The following KCNH1 variants were observed in gnomAD, a reference collection of about 807,000 sequenced individuals.
The protein encoded by KCNH1 is potassium voltage-gated channel subfamily H member 1, also known as voltage-gated delayed rectifier potassium channel KCNH1.
In KCNH1, 27 loss-of-function variants were observed where a neutral mutation model predicts 69.2. The ratio of observed to expected loss-of-function variants is 0.39; its 90% confidence interval spans 0.29 to 0.54. The LOEUF (loss-of-function observed/expected upper bound fraction) is 0.54. KCNH1 is among the 20% of genes least tolerant of loss of function. The pLI is 0.68. For synonymous variants in KCNH1, 456 were observed against 487.7 expected, an observed-to-expected ratio of 0.93 and a Z score of 0.86; for missense variants, 798 against 1,261.6, an observed-to-expected ratio of 0.63 and a Z score of 5.57.
At chr1:210,944,778 A>G (rs1287998970) in intron 6 of KCNH1, among the ~76,000 whole-genome samples, 2 of 152,200 alleles carry the variant, frequency 1.3e-5, no homozygotes, top group Non-Finnish European at 2.9e-5. Flanking sequence ...AAAATGTATC[A>G]TTTCAACCCT....
chr1:210,796,742 T>C (rs546919194), intron 9 of KCNH1, among the ~76,000 whole-genome samples: 2 of 152,214 alleles, frequency 1.3e-5, no homozygotes, highest in African/African-American at 4.8e-5. Context: ...TCCATCTGCT[T>C]GCCACAGTAT....
rs114594355 is a variant in KCNH1 at position 210,684,825 on chromosome 1, G to A, written c.2113-687C>T. Among the ~76,000 whole-genome samples the A allele has an allele frequency of 3.3e-3, 502 of 152,358 alleles. 3 individuals carry two copies. Among genetic ancestry groups the A allele is most frequent in the African/African-American group, 0.011 (477 of 41,588 alleles). On this transcript the variant is annotated intron_variant, in intron 10 of 10. Coordinates refer to ENST00000271751, the MANE Select transcript of KCNH1 (RefSeq NM_172362.3). ...AACAATAATACCCATCACTTGGACAGTGCTTTGCAGGTCACAAGGCACTTT... is the reference window on the plus strand; with the variant it reads ...AACAATAATACCCATCACTTGGACAATGCTTTGCAGGTCACAAGGCACTTT...
At position 211,004,025 on chromosome 1, in the gene KCNH1, C is replaced by T. The variant is rs569650053; in HGVS notation, c.1032+14758G>A. On this transcript the variant is annotated intron_variant, in intron 6 of 10. Transcript: ENST00000271751. ...GGAGAATGGCGTGAACCCCGGGGGA[C>T]GGAGCCTGCAGTGAGCCTAGATCGG... 7.9e-5 allele frequency among the ~76,000 whole-genome samples: 12 copies of T among 152,014 alleles called. No homozygotes were observed. In the South Asian group the frequency reaches 1.9e-3, roughly 24 times the overall value.
chr1:210,842,363 G>C (rs1685430056), intron 7 of KCNH1, among the ~76,000 whole-genome samples: 1 of 152,176 alleles, frequency 6.6e-6, no homozygotes, highest in Non-Finnish European at 1.5e-5. Context: ...GAGACACGAA[G>C]AGGGTTTTTC....
intron 6 of KCNH1, among the ~76,000 whole-genome samples, chr1:210,944,550 C>T (rs909951131): frequency 6.6e-6 from 1 of 152,150 alleles, no homozygotes; most frequent in African/African-American, 2.4e-5. Context: ...CAGGAGGGGA[C>T]CCCAGGGGTC....
At chr1:210,862,430 G>T in intron 7 of KCNH1, 1 of 536,926 alleles carries the variant, frequency 1.9e-6, no homozygotes, top group Non-Finnish European at 3.4e-6. Context: ...TGAACTCCTG[G>T]GCTCAAGTGA....
intron 7 of KCNH1, among the ~76,000 whole-genome samples, chr1:210,818,985 A>T (rs577264390): frequency 3.3e-5 from 5 of 152,332 alleles, no homozygotes; most frequent in Non-Finnish European, 5.9e-5. Flanking sequence ...CCTCTAATTT[A>T]GTTTGCAAGT....
At position 211,078,489 on chromosome 1, in the gene KCNH1, G is replaced by A. The variant is rs375506328; in HGVS notation, c.558+4291C>T. Among the ~76,000 whole-genome samples the A allele has an allele frequency of 9.7e-4, 148 of 152,270 alleles. 2 individuals are homozygous for A. The East Asian group carries it at 0.023, about 24-fold the overall frequency. On this transcript the variant is annotated intron_variant, in intron 5 of 10. Transcript: ENST00000271751. ...TCACTCAAAACCGCTCAACTACATG[G>A]AAACTGAACAACCTGCTCCTGAATG... is the stretch of plus-strand genomic sequence containing the variant.
chr1:210,801,483 A>C (rs541036781), intron 8 of KCNH1, among the ~76,000 whole-genome samples: 2 of 152,306 alleles, frequency 1.3e-5, no homozygotes, highest in Admixed American at 1.3e-4. Flanking sequence ...TCCCTCTTCC[A>C]TCTGGACCAG....
At chr1:210,894,240 T>G (rs77050512) in intron 7 of KCNH1, among the ~76,000 whole-genome samples, 1 of 152,210 alleles carries the variant, frequency 6.6e-6, no homozygotes, top group Non-Finnish European at 1.5e-5. Context: ...TGGAAACAAC[T>G]TGATCCTTTG....
At chr1:210,726,814 G>C (rs543267397) in intron 10 of KCNH1, among the ~76,000 whole-genome samples, 3 of 149,826 alleles carry the variant, frequency 2.0e-5, no homozygotes, top group African/African-American at 7.4e-5. Flanking sequence ...CCCCGGCGGG[G>C]GTGGGGTGGA....
chr1:210,846,955 T>G (rs1685564773), intron 7 of KCNH1, among the ~76,000 whole-genome samples: 1 of 152,190 alleles, frequency 6.6e-6, no homozygotes, highest in Non-Finnish European at 1.5e-5. Flanking sequence ...AAGACATTTA[T>G]GCAGACAAAA....
intron 7 of KCNH1, chr1:210,858,991 C>CCT: frequency 2.7e-6 from 1 of 364,222 alleles, no homozygotes; most frequent in East Asian, 5.2e-5. Flanking sequence ...CCACTGGTTT[C>CCT]TTTTCCAGTG....
intron 1 of KCNH1, among the ~76,000 whole-genome samples, chr1:211,127,293 T>G (rs1043308912): frequency 2.0e-5 from 3 of 152,182 alleles, no homozygotes; most frequent in African/African-American, 7.2e-5. Context: ...TGTTTTCATT[T>G]CAGTGAAACA....
intron 6 of KCNH1, among the ~76,000 whole-genome samples, chr1:211,007,474 C>A (rs1689306955): frequency 6.6e-6 from 1 of 152,214 alleles, no homozygotes; most frequent in South Asian, 2.1e-4. Context: ...CCCCTAGCCC[C>A]ACATACAATG....
At chr1:211,087,973 C>CT (rs1022858936) in intron 4 of KCNH1, among the ~76,000 whole-genome samples, 1 of 152,124 alleles carries the variant, frequency 6.6e-6, no homozygotes, top group Non-Finnish European at 1.5e-5. Flanking sequence ...GTGTTGGACC[C>CT]TTTGTGGGCG....
intron 6 of KCNH1, among the ~76,000 whole-genome samples, chr1:210,974,813 T>A (rs1362140116): frequency 6.6e-6 from 1 of 152,024 alleles, no homozygotes; most frequent in Non-Finnish European, 1.5e-5. Flanking sequence ...CCACCCACCT[T>A]GGCCTCCCAA....
chr1:211,011,097 T>G (rs933455311), intron 6 of KCNH1, among the ~76,000 whole-genome samples: 2 of 152,104 alleles, frequency 1.3e-5, no homozygotes, highest in Non-Finnish European at 2.9e-5. Flanking sequence ...ATCATCTACA[T>G]TAGGTATTTC....
intron 1 of KCNH1, among the ~76,000 whole-genome samples, chr1:211,113,974 T>TCTCACACA (rs1491436535): frequency 3.5e-5 from 5 of 142,478 alleles, no homozygotes; most frequent in South Asian, 2.3e-4. Context: ...TCTCTCTCTC[T>TCTCACACA]CACACACACA....
Sources: gnomAD v4.1 joint callset for allele counts (sites outside exome capture counted in the v4.1 genomes callset) on GRCh38, gnomAD v4.1.1 for gene constraint, MANE v1.5 for transcripts, NCBI Gene and HGNC (gene_info 2026-07-23, HGNC 2026-07-21) for gene names.